LDLRAD4: variants seen among roughly 807,000 people sequenced by gnomAD.
The protein encoded by LDLRAD4 is low-density lipoprotein receptor class A domain-containing protein 4.
In LDLRAD4, 5 loss-of-function variants were observed where a neutral mutation model predicts 17.0. The observed-to-expected ratio is 0.29, with a 90% CI of 0.15 to 0.62. The LOEUF is 0.62. LDLRAD4 is among the 20% of genes least tolerant of loss of function. The probability of loss-of-function intolerance (pLI) is 0.84; values close to 1 mark genes in which losing one functional copy is unlikely to be tolerated. For missense variants in LDLRAD4, 340 were observed against 424.7 expected, an observed-to-expected ratio of 0.80 and a Z score of 1.75; for synonymous variants, 168 against 171.8, an observed-to-expected ratio of 0.98 and a Z score of 0.17.
intron 2 of LDLRAD4, among the ~76,000 whole-genome samples, chr18:13,430,521 C>T (rs1483607133): frequency 1.3e-5 from 2 of 152,116 alleles, no homozygotes; most frequent in Non-Finnish European, 2.9e-5. Flanking sequence ...AGTCTACCTA[C>T]CACGTTGTAC....
At chr18:13,334,746 T>TC (rs2082025547) in intron 1 of LDLRAD4, among the ~76,000 whole-genome samples, 1 of 152,182 alleles carries the variant, frequency 6.6e-6, no homozygotes, top group African/African-American at 2.4e-5. Context: ...TGAAAACTAG[T>TC]GGTGAGAAGG....
At chr18:13,421,623 G>T (rs2145863520) in intron 2 of LDLRAD4, among the ~76,000 whole-genome samples, 1 of 152,286 alleles carries the variant, frequency 6.6e-6, no homozygotes, top group Non-Finnish European at 1.5e-5. Flanking sequence ...TCACGCGTCA[G>T]AAGGCACCCG....
intron 4 of LDLRAD4, chr18:13,641,759 C>T (rs957699966): frequency 3.0e-6 from 3 of 985,350 alleles, no homozygotes; most frequent in African/African-American, 1.7e-5. Flanking sequence ...CAGCCGAGGG[C>T]CGGGCCTCGG....
At chr18:13,321,043 A>G (rs2081187982) in intron 1 of LDLRAD4, among the ~76,000 whole-genome samples, 1 of 152,096 alleles carries the variant, frequency 6.6e-6, no homozygotes, top group South Asian at 2.1e-4. Context: ...AGTTGGAGAT[A>G]CTTGGTTTTG....
chr18:13,645,890 G>T lies in LDLRAD4; in HGVS notation c.*233G>T. The T allele has an allele frequency of 5.3e-6, 2 of 377,238 alleles. No individual in the cohort carries two copies. The highest frequency in any genetic ancestry group is 4.3e-5 in the Admixed American group (1 of 23,002). The allele number at this position is 377,238 out of a possible 1,614,324, so 23.4% of individuals were successfully genotyped here. A position where few individuals can be genotyped will look rare whatever the true frequency, so the allele number is the denominator to read the frequency against. ...AAACAGTGTTTATTTGGGGACAGGG[G>T]TTGGGATGGGGGTGTGGGCAGGGGA... On this transcript the variant is annotated 3_prime_UTR_variant, in exon 6 of 6. Coordinates refer to ENST00000359446, the Ensembl canonical transcript of LDLRAD4. This position sits in a 1 kb window ranked among gnomAD's most constrained non-coding sequence, Gnocchi z 5.7.
intron 4 of LDLRAD4, chr18:13,641,669 G>C (rs1014448471): frequency 1.3e-6 from 1 of 776,632 alleles, no homozygotes; most frequent in African/African-American, 1.9e-5. Flanking sequence ...AGCAGCAGGC[G>C]CGCCTCTGGC....
chr18:13,227,066 A>T (rs1192769055), intron 1 of LDLRAD4, among the ~76,000 whole-genome samples: 1 of 152,166 alleles, frequency 6.6e-6, no homozygotes, highest in Non-Finnish European at 1.5e-5. Flanking sequence ...CAGAAAATTC[A>T]TGATGGGCAG....
intron 3 of LDLRAD4, among the ~76,000 whole-genome samples, chr18:13,543,947 T>C (rs1290462173): frequency 1.3e-5 from 2 of 152,202 alleles, no homozygotes; most frequent in Non-Finnish European, 2.9e-5. Context: ...ATGGAGTATG[T>C]ACCCGGGGAT....
intron 3 of LDLRAD4, among the ~76,000 whole-genome samples, chr18:13,559,649 A>G (rs1340984062): frequency 6.6e-6 from 1 of 152,130 alleles, no homozygotes; most frequent in Middle Eastern, 3.2e-3. Context: ...TACATTTTAT[A>G]TATGTATATA....
intron 2 of LDLRAD4, among the ~76,000 whole-genome samples, chr18:13,427,154 C>G (rs887825519): frequency 6.6e-6 from 1 of 152,040 alleles, no homozygotes; most frequent in Non-Finnish European, 1.5e-5. Context: ...CCACTGCACT[C>G]CAGCCTGGCA....
intron 3 of LDLRAD4, among the ~76,000 whole-genome samples, chr18:13,550,008 C>T (rs1040447166): frequency 1.3e-5 from 2 of 152,140 alleles, no homozygotes; most frequent in South Asian, 2.1e-4. Flanking sequence ...TGCCATCATC[C>T]GACTAGCATA....
intron 1 of LDLRAD4, among the ~76,000 whole-genome samples, chr18:13,266,965 A>G (rs1193435464): frequency 6.6e-6 from 1 of 152,268 alleles, no homozygotes; most frequent in Non-Finnish European, 1.5e-5. Flanking sequence ...TTCATGTGGA[A>G]TCTCTTTGTG....
intron 3 of LDLRAD4, among the ~76,000 whole-genome samples, chr18:13,516,687 G>C (rs190118591): frequency 2.0e-5 from 3 of 152,166 alleles, no homozygotes; most frequent in Non-Finnish European, 4.4e-5. Context: ...TATAAATTCT[G>C]TATAAGGTCA....
At chr18:13,309,721 T>G (rs539321791) in intron 1 of LDLRAD4, among the ~76,000 whole-genome samples, 32 of 152,128 alleles carry the variant, frequency 2.1e-4, no homozygotes, top group African/African-American at 6.5e-4. Context: ...TCGGGAGGTG[T>G]GCATGAGAGT....
At chr18:13,271,893 CTTTTTTTTTT>C (rs753254188) in intron 1 of LDLRAD4, among the ~76,000 whole-genome samples, 1 of 79,032 alleles carries the variant, frequency 1.3e-5, no homozygotes, top group East Asian at 3.8e-4. Context: ...CTGTTCAGTG[CTTTTTTTTTT>C]TTTTTTTTTT....
intron 2 of LDLRAD4, 42 bp downstream of exon 3, chr18:13,387,804 T>C (rs2085941673): frequency 6.4e-7 from 1 of 1,567,128 alleles, no homozygotes; most frequent in Admixed American, 1.7e-5. Flanking sequence ...CCTCCACTCC[T>C]GGGAGGCAAT....
intron 2 of LDLRAD4, among the ~76,000 whole-genome samples, chr18:13,407,734 G>T (rs1001818571): frequency 6.6e-6 from 1 of 152,256 alleles, no homozygotes; most frequent in East Asian, 1.9e-4. Flanking sequence ...TGATAGGGCA[G>T]TGGAACCACC....
intron 1 of LDLRAD4, among the ~76,000 whole-genome samples, chr18:13,354,579 C>A (rs1197731846): frequency 1.3e-5 from 2 of 152,182 alleles, no homozygotes; most frequent in African/African-American, 4.8e-5. Flanking sequence ...TCCATGAAAC[C>A]AAAGGGGCCT....
At chr18:13,278,932 C>T (rs2146233464) in intron 1 of LDLRAD4, among the ~76,000 whole-genome samples, 1 of 152,360 alleles carries the variant, frequency 6.6e-6, no homozygotes, top group East Asian at 1.9e-4. Context: ...TTGCTGTTGG[C>T]AGCAGAGGAG....
Sources: allele counts gnomAD v4.1 joint callset (sites outside exome capture counted in the v4.1 genomes callset), GRCh38; gene constraint gnomAD v4.1.1; non-coding constraint Gnocchi (gnomAD v3.1); transcripts MANE v1.5; gene names NCBI Gene and HGNC (gene_info 2026-07-23, HGNC 2026-07-21).